Variants in CLVS1 observed in about 807,000 individuals in gnomAD.
The protein encoded by CLVS1 is clavesin-1.
In CLVS1, 10 loss-of-function variants were observed where a neutral mutation model predicts 33.1. The ratio of observed to expected loss-of-function variants is 0.30; its 90% CI spans 0.19 to 0.51. The LOEUF (loss-of-function observed/expected upper bound fraction) is 0.51, where lower values mean the gene tolerates loss of function less well. CLVS1 is among the 20% of genes least tolerant of loss of function. The probability of loss-of-function intolerance (pLI) is 0.97; values close to 1 mark genes in which losing one functional copy is unlikely to be tolerated. For missense variants in CLVS1, 343 were observed against 433.4 expected, an observed-to-expected ratio of 0.79 and a Z score of 1.85; for synonymous variants, 163 against 166.1, an observed-to-expected ratio of 0.98 and a Z score of 0.14.
In CLVS1 at chr8:61,487,881, G is replaced by C. The variant is rs558242080; in HGVS notation, c.978-11574G>C. On this transcript the variant is annotated intron_variant, in intron 5 of 5. Transcript: ENST00000325897. ...AGAGGGAATGAGTCATCAACATTTC[G>C]TCAGCCATTGCCAACTTCTGGCATT... 5.6e-4 allele frequency among the ~76,000 whole-genome samples: 85 copies of C among 152,262 alleles called. 1 individual carries two copies. In the Middle Eastern group the frequency reaches 0.027, roughly 49 times the overall value.
intron 2 of CLVS1, among the ~76,000 whole-genome samples, chr8:61,257,231 T>G (rs1032039821): frequency 6.6e-6 from 1 of 152,242 alleles, no homozygotes; most frequent in Non-Finnish European, 1.5e-5. Context: ...GACAAGACTT[T>G]TCTTTTGCAG....
At chr8:61,057,337 T>C (rs1377881337) in intron 1 of CLVS1, 5 of 150,602 alleles carry the variant, frequency 3.3e-5, no homozygotes, top group Non-Finnish European at 5.9e-5. Context: ...CAATTTCTAT[T>C]GATTGAGCCT....
intron 3 of CLVS1, among the ~76,000 whole-genome samples, chr8:61,397,013 G>T (rs914145572): frequency 1.3e-5 from 2 of 151,958 alleles, no homozygotes; most frequent in Non-Finnish European, 2.9e-5. Flanking sequence ...ACATATTTTT[G>T]TATAGACATT....
chr8:61,485,255 A>G (rs1473758197), intron 5 of CLVS1, among the ~76,000 whole-genome samples: 1 of 152,202 alleles, frequency 6.6e-6, no homozygotes, highest in African/African-American at 2.4e-5. Context: ...CAAGAAAAAA[A>G]CAAACAACCC....
intron 2 of CLVS1, among the ~76,000 whole-genome samples, chr8:61,152,558 A>G (rs1166948178): frequency 2.6e-5 from 4 of 152,040 alleles, no homozygotes; most frequent in Admixed American, 2.0e-4. Flanking sequence ...AAGGGTCAAT[A>G]TTGTGTCTTC....
At chr8:60,987,266 G>A in the CLVS1 span, among the ~76,000 whole-genome samples, 29 of 152,324 alleles carry the variant, frequency 1.9e-4, no homozygotes, top group Middle Eastern at 3.4e-3. Context: ...CTTCCTGATG[G>A]AAATGATGTC....
chr8:61,124,871 G>T (rs965403293), intron 1 of CLVS1, among the ~76,000 whole-genome samples: 1 of 152,190 alleles, frequency 6.6e-6, no homozygotes, highest in Admixed American at 6.5e-5. Context: ...TCATGTGCCA[G>T]TGAGGGTGGG....
chr8:61,365,559 AGTTT>A, intron 2 of CLVS1, among the ~76,000 whole-genome samples: 1 of 151,894 alleles, frequency 6.6e-6, no homozygotes, highest in African/African-American at 2.4e-5. Context: ...ATGTCAATTG[AGTTT>A]CATTGGAAGT....
intron 2 of CLVS1, among the ~76,000 whole-genome samples, chr8:61,335,052 G>C (rs1431984380): frequency 3.9e-5 from 6 of 152,304 alleles, no homozygotes; most frequent in East Asian, 1.9e-4. Flanking sequence ...CAGTCTTCTT[G>C]CGCTGAGTCA....
At chr8:61,474,343 A>G (rs1354998361) in intron 5 of CLVS1, among the ~76,000 whole-genome samples, 1 of 152,174 alleles carries the variant, frequency 6.6e-6, no homozygotes, top group Non-Finnish European at 1.5e-5. Context: ...CCTTCACAAG[A>G]GCTGTGGTGG....
chr8:61,492,215 G>A (rs531111108), intron 5 of CLVS1, among the ~76,000 whole-genome samples: 1 of 152,316 alleles, frequency 6.6e-6, no homozygotes, highest in East Asian at 1.9e-4. Context: ...TTGTCTAATA[G>A]ACATGTTACA....
At chr8:61,376,539 G>A (rs1813651518) in intron 2 of CLVS1, 66 bp from the exon 3 acceptor site, 4 of 1,507,380 alleles carry the variant, frequency 2.7e-6, no homozygotes, top group Middle Eastern at 1.9e-4. Context: ...GGCCAGCACT[G>A]TTGCACGCAA....
chr8:61,007,422 C>T, the CLVS1 span, among the ~76,000 whole-genome samples: 1 of 152,144 alleles, frequency 6.6e-6, no homozygotes, highest in South Asian at 2.1e-4. Context: ...GTATTTTTAA[C>T]CACTTAAAAA....
chr8:61,221,875 C>A lies in CLVS1; in HGVS notation c.-151-77802C>A, dbSNP rs149020781. Among the ~76,000 whole-genome samples, 1,226 of 152,200 alleles carry A rather than the reference C, an allele frequency of 8.1e-3. 10 individuals carry two copies. The highest frequency in any genetic ancestry group is 0.014 in the Non-Finnish European group (927 of 68,004). ...CTCAATTTCAGAGCTTGTTATTGGT[C>A]TATTCAGAGATTTGACTTCCTCCCA... On this transcript the variant is annotated intron_variant, in intron 2 of 2. Transcript: ENST00000522621.
intron 2 of CLVS1, among the ~76,000 whole-genome samples, chr8:61,312,320 T>G (rs775401193): frequency 6.6e-6 from 1 of 152,166 alleles, no homozygotes; most frequent in Non-Finnish European, 1.5e-5. Context: ...AAAGATTAAG[T>G]GCCCATGCTT....
intron 1 of CLVS1, among the ~76,000 whole-genome samples, chr8:61,062,057 C>T (rs576871111): frequency 5.3e-5 from 8 of 152,074 alleles, no homozygotes; most frequent in Admixed American, 1.3e-4. Flanking sequence ...CATTGTGCCT[C>T]GTTGCTTCTG....
intron 2 of CLVS1, among the ~76,000 whole-genome samples, chr8:61,339,972 GAGAA>G (rs1044500517): frequency 6.3e-5 from 9 of 143,506 alleles, no homozygotes; most frequent in African/African-American, 1.0e-4. Context: ...GAGAAAGAAA[GAGAA>G]AGAAAGTGAA....
chr8:61,027,150 G>A, the CLVS1 span, among the ~76,000 whole-genome samples: 1 of 152,168 alleles, frequency 6.6e-6, no homozygotes, highest in Non-Finnish European at 1.5e-5. Context: ...AAGAATGCAT[G>A]AAGGAAATGA....
intron 1 of CLVS1, among the ~76,000 whole-genome samples, chr8:61,071,725 T>C (rs1349612689): frequency 6.6e-6 from 1 of 152,220 alleles, no homozygotes; most frequent in Admixed American, 6.5e-5. Flanking sequence ...CACATATCTT[T>C]GTAACACTTT....
Sources: allele counts gnomAD v4.1 joint callset (sites outside exome capture counted in the v4.1 genomes callset), GRCh38; gene constraint gnomAD v4.1.1; transcripts MANE v1.5; gene names NCBI Gene and HGNC (gene_info 2026-07-23, HGNC 2026-07-21).